ZNF37A: variants seen among roughly 807,000 people sequenced by gnomAD.
ZNF37A encodes the protein zinc finger protein 37A, also known as zinc finger protein 37a (KOX 21).
A neutral mutation model predicts 12.3 loss-of-function variants in ZNF37A; 10 were observed. The ratio of observed to expected loss-of-function variants is 0.82; its 90% CI spans 0.50 to 1.38. The LOEUF (loss-of-function observed/expected upper bound fraction) is 1.38. Ranked by LOEUF, ZNF37A falls within the 40% of genes most tolerant of loss-of-function variation. ZNF37A has a pLI of 0.00. For missense variants in ZNF37A, 580 were observed against 651.2 expected, an observed-to-expected ratio of 0.89 and a Z score of 1.19; for synonymous variants, 207 against 223.0, an observed-to-expected ratio of 0.93 and a Z score of 0.64.
At position 38,094,394 on chromosome 10, in the gene ZNF37A, CAT is replaced by C. The variant is rs1298797717; in HGVS notation, c.-587_-586del. 1 of 152,230 alleles carries C rather than the reference CAT, an allele frequency of 6.6e-6. No individual in the cohort carries two copies. Among genetic ancestry groups the C allele is most frequent in the Non-Finnish European group, 1.5e-5 (1 of 68,084 alleles). 9.4% of individuals were successfully genotyped at this position (152,230 alleles called of 1,614,324 possible). On this transcript the variant is annotated 5_prime_UTR_variant, in exon 1 of 8. It removes an upstream start codon present in the reference 5' UTR. Transcript: ENST00000685332. ...CGGGAGCCGCTTCGGGCCTTCTGGG[CAT>C]GTCTGCCATATGGCTCCAGGTTTGT...
exon 8 of ZNF37A, chr10:38,146,826 T>C: frequency 5.0e-6 from 2 of 398,178 alleles, no homozygotes; most frequent in Non-Finnish European, 8.9e-6. Context: ...ACTAGAGGAA[T>C]GAAGACAAAG....
chr10:38,118,717 C>T lies in ZNF37A; in HGVS notation c.1566C>T (p.Pro522=), dbSNP rs1438597585. 6.2e-7 allele frequency: 1 copy of T among 1,613,708 alleles called. No individual in the cohort carries two copies. Among genetic ancestry groups the T allele is most frequent in the African/African-American group, 1.3e-5 (1 of 74,904 alleles). Residue 522 remains proline (P), a synonymous_variant, in exon 8 of 8, where the codon CCC becomes CCT. Transcript: ENST00000685332. The part of the protein sequence containing the change: ...AHHRTHTGEK[P]YECNVCGKSF... ...ATAGAACACACACAGGGGAGAAACCCTATGAATGTAATGTTTGTGGAAAAT... is the reference window on the plus strand; with the variant it reads ...ATAGAACACACACAGGGGAGAAACCTTATGAATGTAATGTTTGTGGAAAAT...
At chr10:38,130,265 C>G (rs1218033866), downstream of ZNF37A, among the ~76,000 whole-genome samples, 5 of 152,136 alleles carry the variant, frequency 3.3e-5, no homozygotes, top group African/African-American at 1.2e-4. Context: ...GATTTGTTTA[C>G]CCATTCATCT....
Position 38,118,127 on chromosome 10 carries a change from C to G in ZNF37A, c.976C>G (p.Pro326Ala), listed in dbSNP as rs1020444828. Reference protein sequence around the residue: ...KHQRIHTGERPYGCHECGKSF... With the variant: ...KHQRIHTGERAYGCHECGKSF... Reference sequence around the variant, plus strand: ...TCAAAGAATTCATACAGGGGAGAGACCTTATGGATGTCATGAATGTGGGAA... The same window carrying G: ...TCAAAGAATTCATACAGGGGAGAGAGCTTATGGATGTCATGAATGTGGGAA... Residue 326 changes from proline to alanine, a missense_variant, in exon 8 of 8, where the codon CCT becomes GCT. Transcript: ENST00000685332. The G allele has an allele frequency of 1.9e-6, 3 of 1,613,732 alleles. No homozygotes were observed. The African/African-American group carries it at 4.0e-5, about 22-fold the overall frequency.
chr10:38,143,769 G>A (rs16937696), intron 7 of ZNF37A: 10,680 of 152,308 alleles, frequency 0.07, 388 homozygotes, highest in African/African-American at 0.089. Context: ...GCAGTTCACT[G>A]TCCGCAGAGT....
chr10:38,096,584 ACAG>A lies in ZNF37A; in HGVS notation c.-33_-31del, dbSNP rs1242327042. 3 of 1,608,456 alleles carry A rather than the reference ACAG, an allele frequency of 1.9e-6. No homozygotes were observed. In the East Asian group the frequency reaches 6.7e-5, roughly 36 times the overall value. ...TTTCTTATTTCTCAGCTACACCCTC[ACAG>A]TTTGCTCTGCTCTTCCAACACCAGT... On this transcript the variant is annotated 5_prime_UTR_variant, in exon 5 of 8. Transcript: ENST00000685332.
chr10:38,103,936 C>A (rs1329263627), intron 5 of ZNF37A, among the ~76,000 whole-genome samples: 1 of 152,224 alleles, frequency 6.6e-6, no homozygotes, highest in African/African-American at 2.4e-5. Context: ...CCATTTACAT[C>A]TCTGCATTAA....
At chr10:38,098,070 T>G (rs2067287720) in intron 5 of ZNF37A, among the ~76,000 whole-genome samples, 1 of 152,246 alleles carries the variant, frequency 6.6e-6, no homozygotes, top group Admixed American at 6.5e-5. Flanking sequence ...TCATACAATT[T>G]GTAGCCTTTT....
In ZNF37A at chr10:38,105,179, A is replaced by G. The variant is rs369601057; in HGVS notation, c.15+8547A>G. Among the ~76,000 whole-genome samples the G allele has an allele frequency of 2.0e-5, 3 of 151,792 alleles. No individual in the cohort carries two copies. The East Asian group carries it at 5.8e-4, about 29-fold the overall frequency. On this transcript the variant is annotated intron_variant, in intron 5 of 7. Transcript: ENST00000685332. ...TGCCACCATGCCTGGCTAATTTTGTATTTTTAGTAGAGACAGGGTTTCTCC... is the reference window on the plus strand; with the variant it reads ...TGCCACCATGCCTGGCTAATTTTGTGTTTTTAGTAGAGACAGGGTTTCTCC...
At chr10:38,146,216 A>G (rs1435688351) in intron 7 of ZNF37A, among the ~76,000 whole-genome samples, 2 of 152,194 alleles carry the variant, frequency 1.3e-5, no homozygotes, top group African/African-American at 2.4e-5. Context: ...AGCCAGGCAC[A>G]TTTCCCTGCG....
At chr10:38,104,858 A>T (rs1300153896) in intron 5 of ZNF37A, among the ~76,000 whole-genome samples, 1 of 152,174 alleles carries the variant, frequency 6.6e-6, no homozygotes, top group African/African-American at 2.4e-5. Flanking sequence ...CAATGAGTTT[A>T]CGTAGACATT....
intron 7 of ZNF37A, among the ~76,000 whole-genome samples, chr10:38,130,955 ATGT>A (rs2070018626): frequency 6.6e-6 from 1 of 152,128 alleles, no homozygotes; most frequent in African/African-American, 2.4e-5. Flanking sequence ...ATGACTACTG[ATGT>A]TAAGCATCTT....
At chr10:38,114,541 C>G (rs149919662) in intron 5 of ZNF37A, among the ~76,000 whole-genome samples, 3 of 152,206 alleles carry the variant, frequency 2.0e-5, no homozygotes, top group Non-Finnish European at 4.4e-5. Flanking sequence ...AATATTTTTG[C>G]ATTAAGTAAT....
chr10:38,136,917 C>T (rs554019177), intron 7 of ZNF37A, among the ~76,000 whole-genome samples: 1 of 152,114 alleles, frequency 6.6e-6, no homozygotes, highest in African/African-American at 2.4e-5. Context: ...TTTTGGCTTG[C>T]TTAAATCTGC....
rs1318583511 is a variant in ZNF37A, at chr10:38,118,280, C to T, written c.1129C>T (p.His377Tyr). 6.2e-7 allele frequency: 1 copy of T among 1,613,898 alleles called. No homozygotes were observed. Among genetic ancestry groups the T allele is most frequent in the South Asian group, 1.1e-5 (1 of 91,070 alleles). ...AGTCCTTACTGTGCATCAGAAAACACACACAGGGGAGAAGCCCTATGAATG... is the reference window on the plus strand; with the variant it reads ...AGTCCTTACTGTGCATCAGAAAACATACACAGGGGAGAAGCCCTATGAATG... ...KSVLTVHQKT[H>Y]TGEKPYECYA... Residue 377 changes from histidine (H) to tyrosine (Y), a missense_variant, in exon 8 of 8, where the codon CAC becomes TAC. Physicochemically the swap from His to Tyr is moderately conservative, Grantham distance 83 (BLOSUM62 2). Transcript: ENST00000685332.
Position 38,112,793 on chromosome 10 carries a change from T to TCTTGTCTTGTCTTGTCTTG in ZNF37A, c.16-1962_16-1961insCTTGTCTTGTCTTGTCTTG, listed in dbSNP as rs1564932610. Among the ~76,000 whole-genome samples the TCTTGTCTTGTCTTGTCTTG allele has an allele frequency of 9.8e-4, 48 of 48,776 alleles. 1 individual carries two copies. The highest frequency in any genetic ancestry group is 0.016 in the Middle Eastern group (2 of 126). The allele number at this position is 48,776 out of a possible 152,430, so 32.0% of individuals were successfully genotyped here. ...TTCTTTTCTTTTCTTTTCTTTTCTT[T>TCTTGTCTTGTCTTGTCTTG]TCTTGTCTTGTCTTGTCTTCTTTTC... On this transcript the variant is annotated intron_variant, in intron 5 of 7. Coordinates refer to ENST00000685332, the MANE Select transcript of ZNF37A (RefSeq NM_001324250.3).
intron 7 of ZNF37A, among the ~76,000 whole-genome samples, chr10:38,130,957 G>A (rs1458760324): frequency 1.3e-5 from 2 of 152,124 alleles, no homozygotes; most frequent in African/African-American, 2.4e-5. Flanking sequence ...GACTACTGAT[G>A]TTAAGCATCT....
At chr10:38,129,254 A>G (rs1368719703), downstream of ZNF37A, among the ~76,000 whole-genome samples, 11 of 145,412 alleles carry the variant, frequency 7.6e-5, no homozygotes, top group Non-Finnish European at 1.2e-4. Context: ...AGGCATAGTG[A>G]TCTTAAGAAC....
intron 5 of ZNF37A, among the ~76,000 whole-genome samples, chr10:38,107,749 A>G (rs2068245703): frequency 6.6e-6 from 1 of 152,220 alleles, no homozygotes; most frequent in Admixed American, 6.5e-5. Context: ...ATCAAAAGAG[A>G]CAAAGAAGGG....
Sources: gnomAD v4.1 joint callset for allele counts (sites outside exome capture counted in the v4.1 genomes callset) on GRCh38, gnomAD v4.1.1 for gene constraint, MANE v1.5 for transcripts, NCBI Gene and HGNC (gene_info 2026-07-23, HGNC 2026-07-21) for gene names.